ITGB3BP: variants seen among roughly 807,000 people sequenced by gnomAD.
ITGB3BP encodes the protein integrin subunit beta 3 binding protein.
ITGB3BP carries 27 observed loss-of-function variants against 29.1 expected under a neutral mutation model. That is an observed-to-expected ratio of 0.93 (90% CI 0.68 to 1.28). ITGB3BP has a LOEUF of 1.28. Ranked by LOEUF, ITGB3BP falls within the 50% of genes most tolerant of loss-of-function variation. ITGB3BP has a pLI of 0.00. For missense variants in ITGB3BP, 192 were observed against 200.2 expected (o/e 0.96, Z 0.25); for synonymous variants, 61 against 61.4 (o/e 0.99, Z 0.03).
intron 4 of ITGB3BP, among the ~76,000 whole-genome samples, chr1:63,466,987 T>A (rs981931395): frequency 3.3e-5 from 5 of 152,092 alleles, no homozygotes; most frequent in Non-Finnish European, 7.4e-5. Flanking sequence ...TGGGCTCAAA[T>A]GATTCTCCAA....
chr1:63,482,887 C>T (rs1467594216), intron 3 of ITGB3BP, among the ~76,000 whole-genome samples: 1 of 152,104 alleles, frequency 6.6e-6, no homozygotes, highest in Non-Finnish European at 1.5e-5. Flanking sequence ...CTCCTGACCT[C>T]AGGTGATCTG....
At chr1:63,495,092 C>T (rs922914078) in intron 2 of ITGB3BP, among the ~76,000 whole-genome samples, 4 of 152,204 alleles carry the variant, frequency 2.6e-5, no homozygotes, top group Non-Finnish European at 5.9e-5. Flanking sequence ...CAGCCAGAAG[C>T]CACCATGCAG....
rs540781432 is a variant in ITGB3BP at position 63,461,319 on chromosome 1, T to C, written c.255-6351A>G. ...TGCCTATATTTAAAATTGGATTGTCTTTTTTCTTGTTGAGTTTTGGAAGCT... is the reference window on the plus strand; with the variant it reads ...TGCCTATATTTAAAATTGGATTGTCCTTTTTCTTGTTGAGTTTTGGAAGCT... On this transcript the variant is annotated intron_variant, in intron 4 of 8. Coordinates refer to ENST00000271002, the MANE Select transcript of ITGB3BP (RefSeq NM_014288.5). 4.6e-5 allele frequency among the ~76,000 whole-genome samples: 7 copies of C among 152,032 alleles called. No homozygotes were observed. The South Asian group carries it at 1.5e-3, about 32-fold the overall frequency.
chr1:63,457,262 C>T (rs536411528), intron 4 of ITGB3BP: 1 of 151,986 alleles, frequency 6.6e-6, no homozygotes, highest in African/African-American at 2.4e-5. Flanking sequence ...ACTGAAGAAG[C>T]CTTCATAATC....
At chr1:63,525,502 A>T, upstream of ITGB3BP, 1 of 1,242,840 alleles carries the variant, frequency 8.0e-7, no homozygotes, top group Non-Finnish European at 1.1e-6. Flanking sequence ...CCTGTATTTG[A>T]AAGACATGGT....
At chr1:63,508,929 A>G (rs1646139019) in intron 1 of ITGB3BP, among the ~76,000 whole-genome samples, 1 of 152,218 alleles carries the variant, frequency 6.6e-6, no homozygotes, top group African/African-American at 2.4e-5. Flanking sequence ...AATATCATAT[A>G]TAAGAGCAAA....
At chr1:63,481,510 G>T (rs575164290) in intron 3 of ITGB3BP, among the ~76,000 whole-genome samples, 1 of 152,110 alleles carries the variant, frequency 6.6e-6, no homozygotes, top group East Asian at 1.9e-4. Context: ...GAGTCTATAT[G>T]GTATTTTTCT....
chr1:63,526,702 C>G (rs1037075153), upstream of ITGB3BP, among the ~76,000 whole-genome samples: 8 of 152,060 alleles, frequency 5.3e-5, no homozygotes, highest in African/African-American at 1.9e-4. Context: ...CTAAAATGCT[C>G]TATTTTGAAT....
chr1:63,444,124 CA>C (rs899918365), intron 8 of ITGB3BP, among the ~76,000 whole-genome samples: 1 of 152,056 alleles, frequency 6.6e-6, no homozygotes, highest in Non-Finnish European at 1.5e-5. Context: ...ACTGGTAGCT[CA>C]ACCTTAATTC....
chr1:63,443,789 AAGAG>A (rs372245315), intron 8 of ITGB3BP, among the ~76,000 whole-genome samples: 10 of 151,372 alleles, frequency 6.6e-5, no homozygotes, highest in Admixed American at 2.6e-4. Context: ...TGTGGGGACA[AAGAG>A]AGAGAGAATT....
At chr1:63,473,083 C>T (rs558669590) in intron 4 of ITGB3BP, among the ~76,000 whole-genome samples, 6 of 151,040 alleles carry the variant, frequency 4.0e-5, no homozygotes, top group Admixed American at 4.0e-4. Flanking sequence ...CGTCTCTGCC[C>T]GGCCGCCCAT....
intron 7 of ITGB3BP, among the ~76,000 whole-genome samples, chr1:63,448,858 TG>T (rs1397876559): frequency 1.3e-5 from 2 of 152,156 alleles, no homozygotes; most frequent in Non-Finnish European, 2.9e-5. Flanking sequence ...TTTATATTGC[TG>T]ACATCCCTTC....
chr1:63,460,750 G>C (rs758217526), intron 4 of ITGB3BP, among the ~76,000 whole-genome samples: 27 of 151,856 alleles, frequency 1.8e-4, no homozygotes, highest in Non-Finnish European at 3.2e-4. Context: ...AATGTACAAG[G>C]GTTTTAATTT....
chr1:63,453,797 TCAGAA>T, intron 7 of ITGB3BP, 116 bp downstream of exon 7: 1 of 653,934 alleles, frequency 1.5e-6, no homozygotes, highest in East Asian at 2.7e-5. Flanking sequence ...AGAACATACT[TCAGAA>T]CAGGGATCTC....
At chr1:63,444,631 A>T (rs1644768438) in intron 8 of ITGB3BP, among the ~76,000 whole-genome samples, 1 of 110,432 alleles carries the variant, frequency 9.1e-6, no homozygotes, top group African/African-American at 2.9e-5. Context: ...TACATATAGG[A>T]GATATATATA....
intron 7 of ITGB3BP, chr1:63,451,705 T>C (rs1277326833): frequency 6.6e-6 from 1 of 152,042 alleles, no homozygotes; most frequent in Non-Finnish European, 1.5e-5. Flanking sequence ...AGGAAAACTA[T>C]ATAGCTCAAA....
At chr1:63,481,232 C>G (rs1645431559) in intron 3 of ITGB3BP, among the ~76,000 whole-genome samples, 1 of 151,988 alleles carries the variant, frequency 6.6e-6, no homozygotes, top group African/African-American at 2.4e-5. Context: ...AAATATCTCA[C>G]CCTGTAAAAA....
intron 8 of ITGB3BP, 199 bp downstream of exon 8, chr1:63,446,607 C>T: frequency 1.8e-6 from 1 of 564,502 alleles, no homozygotes; most frequent in Non-Finnish European, 3.2e-6. Context: ...TTCCAATCAG[C>T]CTCTAACTGA....
At chr1:63,457,142 C>T (rs12747542) in intron 4 of ITGB3BP, 36,527 of 151,996 alleles carry the variant, frequency 0.24, 4,998 homozygotes, top group Non-Finnish European at 0.32. Flanking sequence ...ACCTTTTTCC[C>T]ACCTTGAAGG....
Sources: allele counts gnomAD v4.1 joint callset (sites outside exome capture counted in the v4.1 genomes callset), GRCh38; gene constraint gnomAD v4.1.1; transcripts MANE v1.5; gene names NCBI Gene and HGNC (gene_info 2026-07-23, HGNC 2026-07-21).